DSCAM: variants seen among roughly 807,000 people sequenced by gnomAD.
The protein encoded by DSCAM is cell adhesion molecule DSCAM.
A neutral mutation model predicts 217.7 loss-of-function variants in DSCAM; 47 were observed. The ratio of observed to expected loss-of-function variants is 0.22; its 90% CI spans 0.17 to 0.28. The LOEUF (loss-of-function observed/expected upper bound fraction) is 0.28, where lower values mean the gene tolerates loss of function less well. Ranked by LOEUF, DSCAM falls within the 10% of genes least tolerant of loss-of-function variation. DSCAM has a pLI of 1.00. For missense variants in DSCAM, 2,080 were observed against 2,618.3 expected, an observed-to-expected ratio of 0.79 and a Z score of 4.49; for synonymous variants, 1,056 against 1,015.3, an observed-to-expected ratio of 1.04 and a Z score of -0.76.
chr21:40,329,641 TAAATA>T, intron 8 of DSCAM, among the ~76,000 whole-genome samples: 1 of 147,776 alleles, frequency 6.8e-6, no homozygotes, highest in African/African-American at 2.5e-5. Context: ...AATAAATAAA[TAAATA>T]AATAAATAAA....
intron 11 of DSCAM, among the ~76,000 whole-genome samples, chr21:40,260,870 T>C (rs2073440895): frequency 6.6e-6 from 1 of 152,254 alleles, no homozygotes; most frequent in South Asian, 2.1e-4. Flanking sequence ...ATAATGAAAC[T>C]AGAGATTGGA....
At chr21:40,371,012 A>C (rs752174857) in intron 3 of DSCAM, among the ~76,000 whole-genome samples, 1 of 152,232 alleles carries the variant, frequency 6.6e-6, no homozygotes, top group Non-Finnish European at 1.5e-5. Flanking sequence ...GAAAAAGATC[A>C]TAAAATAACA....
At chr21:40,533,537 C>A (rs2076466997) in intron 3 of DSCAM, among the ~76,000 whole-genome samples, 1 of 18,092 alleles carries the variant, frequency 5.5e-5, no homozygotes, top group African/African-American at 8.8e-5. Context: ...GTCCATCCAT[C>A]CATCCATTCA....
chr21:40,426,833 A>G (rs566593629), intron 3 of DSCAM, among the ~76,000 whole-genome samples: 24 of 152,068 alleles, frequency 1.6e-4, no homozygotes, highest in Non-Finnish European at 2.5e-4. Flanking sequence ...CAATGTCCAC[A>G]GTCATTCTCC....
intron 3 of DSCAM, among the ~76,000 whole-genome samples, chr21:40,584,496 T>A (rs1022507009): frequency 6.6e-6 from 1 of 152,110 alleles, no homozygotes; most frequent in African/African-American, 2.4e-5. Context: ...AATCGCAGAA[T>A]GGAAGAATGA....
Position 40,070,949 on chromosome 21 carries a change from T to C in DSCAM, c.4888+4088A>G, listed in dbSNP as rs74327886. 5.7e-3 allele frequency among the ~76,000 whole-genome samples: 871 copies of C among 152,346 alleles called. 12 individuals carry two copies. The highest frequency in any genetic ancestry group is 0.02 in the African/African-American group (834 of 41,570). On this transcript the variant is annotated intron_variant, in intron 27 of 32. Coordinates refer to ENST00000400454, the MANE Select transcript of DSCAM (RefSeq NM_001389.5). Reference sequence around the variant, plus strand: ...TCCATTCAAGAGAAGCAAGACACTCTGCCACAAAAGCATGGTCAAATGTGA... The same window carrying C: ...TCCATTCAAGAGAAGCAAGACACTCCGCCACAAAAGCATGGTCAAATGTGA...
At chr21:40,090,882 C>T (rs2089600291) in intron 21 of DSCAM, among the ~76,000 whole-genome samples, 1 of 152,184 alleles carries the variant, frequency 6.6e-6, no homozygotes, top group Admixed American at 6.5e-5. Flanking sequence ...TACCTCCTCT[C>T]ACTGGCTTCA....
chr21:40,825,153 C>T (rs1013907430), intron 1 of DSCAM, among the ~76,000 whole-genome samples: 4 of 152,160 alleles, frequency 2.6e-5, no homozygotes, highest in Middle Eastern at 6.8e-3. Flanking sequence ...GAGCAACTTA[C>T]GTGTCAGTCC....
intron 32 of DSCAM, among the ~76,000 whole-genome samples, chr21:40,017,103 CAAA>C (rs372118440): frequency 1.4e-4 from 12 of 86,202 alleles, no homozygotes; most frequent in South Asian, 1.2e-3. Flanking sequence ...AACTCCATCT[CAAA>C]AAAAAAAAAA....
At position 40,191,554 on chromosome 21, in the gene DSCAM, A is replaced by G. The variant is rs144798533; in HGVS notation, c.2357-2316T>C. Among the ~76,000 whole-genome samples, 523 of 152,304 alleles carry G rather than the reference A, an allele frequency of 3.4e-3. 2 individuals carry two copies. The highest frequency in any genetic ancestry group is 0.012 in the African/African-American group (509 of 41,570). On this transcript the variant is annotated intron_variant, in intron 11 of 32. Transcript: ENST00000400454. ...TTTATTGTGGTATAATATCCATACC[A>G]TAAAATTCACCTGTTTTAAGTGTGC...
At chr21:40,285,906 G>T (rs2123414024) in intron 10 of DSCAM, among the ~76,000 whole-genome samples, 1 of 152,318 alleles carries the variant, frequency 6.6e-6, no homozygotes, top group Admixed American at 6.5e-5. Flanking sequence ...GGACTTGATA[G>T]CCTGGATCAG....
chr21:40,120,844 A>G (rs955127859), intron 20 of DSCAM, among the ~76,000 whole-genome samples: 2 of 152,228 alleles, frequency 1.3e-5, no homozygotes, highest in African/African-American at 4.8e-5. Flanking sequence ...AGAGAGCACC[A>G]TGAAATAAAT....
intron 10 of DSCAM, among the ~76,000 whole-genome samples, chr21:40,285,330 G>A (rs1187839508): frequency 6.6e-6 from 1 of 152,206 alleles, no homozygotes; most frequent in Non-Finnish European, 1.5e-5. Context: ...CTAGAAGAAG[G>A]CTTCCAGAAA....
intron 11 of DSCAM, among the ~76,000 whole-genome samples, chr21:40,248,171 T>C (rs1202724017): frequency 1.3e-5 from 2 of 152,196 alleles, no homozygotes; most frequent in Non-Finnish European, 2.9e-5. Flanking sequence ...AGGTCTGTGA[T>C]AAGAACGGCT....
Position 40,044,080 on chromosome 21 carries a change from G to A in DSCAM, c.5381C>T (p.Thr1794Ile). 1 of 1,613,394 alleles carries A rather than the reference G, an allele frequency of 6.2e-7. No individual in the cohort carries two copies. The highest frequency in any genetic ancestry group is 8.5e-7 in the Non-Finnish European group (1 of 1,180,022). ...GAGGAGGCAGCGTCAGGGCCTACCT[G>A]TGTCTTGCGAGGGGCTGACGCTGTA... ...DSYSVSPSQD[T>I]DRARSSMVST... The change falls in exon 31 of 33, where the codon ACA (threonine) becomes ATA (isoleucine). Residue 1794 changes from threonine to isoleucine, a missense_variant and splice_region_variant. Physicochemically the swap from Thr to Ile is moderately conservative, Grantham distance 89. Around this residue, in one of 5 missense-constraint regions of DSCAM, gnomAD observed 1,144 missense variants for 1,421.1 expected, o/e 0.81. Transcript: ENST00000400454.
intron 3 of DSCAM, among the ~76,000 whole-genome samples, chr21:40,634,518 TG>T (rs773416121): frequency 6.6e-6 from 1 of 152,212 alleles, no homozygotes; most frequent in Non-Finnish European, 1.5e-5. Flanking sequence ...CACATTTCTA[TG>T]GGGACCCACA....
At chr21:40,498,729 G>GCACCCA (rs2076145598) in intron 3 of DSCAM, among the ~76,000 whole-genome samples, 1 of 13,746 alleles carries the variant, frequency 7.3e-5, no homozygotes, top group African/African-American at 2.7e-4. Flanking sequence ...ATATATATGG[G>GCACCCA]TGTGTGTATA....
intron 24 of DSCAM, among the ~76,000 whole-genome samples, chr21:40,082,576 T>C (rs916971824): frequency 3.3e-5 from 5 of 152,152 alleles, no homozygotes; most frequent in African/African-American, 1.2e-4. Context: ...TCGGTTCATC[T>C]ATTAATGACT....
At chr21:40,661,361 C>T (rs1000826663) in intron 3 of DSCAM, among the ~76,000 whole-genome samples, 2 of 152,088 alleles carry the variant, frequency 1.3e-5, no homozygotes, top group African/African-American at 4.8e-5. Context: ...CTATGTTGGG[C>T]TTAAGTACCT....
Sources: allele counts gnomAD v4.1 joint callset (sites outside exome capture counted in the v4.1 genomes callset), GRCh38; gene constraint gnomAD v4.1.1; regional missense constraint gnomAD v4.1.1; transcripts MANE v1.5; gene names NCBI Gene and HGNC (gene_info 2026-07-23, HGNC 2026-07-21).